The following CFAP299 variants were observed in gnomAD, a reference collection of about 807,000 sequenced individuals.
CFAP299 encodes the protein cilia- and flagella-associated protein 299.
Under a neutral mutation model 27.0 loss-of-function variants are expected in CFAP299, and 21 were observed. The observed-to-expected ratio is 0.78, with a 90% CI of 0.55 to 1.12. CFAP299 has a LOEUF of 1.12. Ranked by LOEUF, CFAP299 falls within the 50% of genes most tolerant of loss-of-function variation. The probability of loss-of-function intolerance (pLI) is 0.00; values close to 1 mark genes in which losing one functional copy is unlikely to be tolerated. For missense variants in CFAP299, 310 were observed against 276.6 expected (o/e 1.12, Z -0.86); for synonymous variants, 104 against 98.1 (o/e 1.06, Z -0.36).
chr4:80,561,066 C>G (rs1033378239), intron 2 of CFAP299, among the ~76,000 whole-genome samples: 1 of 152,106 alleles, frequency 6.6e-6, no homozygotes, highest in Non-Finnish European at 1.5e-5. Context: ...GTGGTGGTCA[C>G]AGGGGTGTTT....
At chr4:80,605,271 GT>G (rs1434097977) in intron 3 of CFAP299, among the ~76,000 whole-genome samples, 1 of 152,084 alleles carries the variant, frequency 6.6e-6, no homozygotes, top group Non-Finnish European at 1.5e-5. Flanking sequence ...ACAACATTTA[GT>G]TTTCAGCCAA....
intron 3 of CFAP299, among the ~76,000 whole-genome samples, chr4:80,857,901 TC>T (rs1228661199): frequency 6.6e-6 from 1 of 152,176 alleles, no homozygotes. Context: ...AGCTTTGGTA[TC>T]AGGATGATGC....
intron 2 of CFAP299, among the ~76,000 whole-genome samples, chr4:80,446,392 A>T (rs1362204889): frequency 1.3e-5 from 2 of 152,254 alleles, no homozygotes; most frequent in African/African-American, 4.8e-5. Context: ...CTGACAGTTG[A>T]GGACTATCTG....
intron 2 of CFAP299, among the ~76,000 whole-genome samples, chr4:80,483,543 T>A (rs1730671145): frequency 1.3e-5 from 2 of 152,170 alleles, no homozygotes; most frequent in African/African-American, 4.8e-5. Context: ...TAATGTGGGT[T>A]TAAAGCAAGA....
intron 4 of CFAP299, among the ~76,000 whole-genome samples, chr4:80,880,567 T>TA (rs1439962364): frequency 4.0e-5 from 6 of 150,282 alleles, no homozygotes; most frequent in East Asian, 2.0e-4. Context: ...CCATCTCTAC[T>TA]AAAAAAAAAT....
At chr4:80,748,205 A>G (rs1035620649) in intron 3 of CFAP299, among the ~76,000 whole-genome samples, 2 of 152,110 alleles carry the variant, frequency 1.3e-5, no homozygotes, top group Non-Finnish European at 2.9e-5. Context: ...GTAACACATG[A>G]CTATATTTGT....
chr4:80,340,295 C>T (rs1307192366), intron 1 of CFAP299, among the ~76,000 whole-genome samples: 1 of 152,172 alleles, frequency 6.6e-6, no homozygotes, highest in Non-Finnish European at 1.5e-5. Context: ...ATCGTTGCAA[C>T]CCACAGATCA....
intron 4 of CFAP299, among the ~76,000 whole-genome samples, chr4:80,908,303 A>G (rs1014460196): frequency 3.9e-5 from 6 of 152,216 alleles, no homozygotes; most frequent in African/African-American, 1.2e-4. Flanking sequence ...AGAGCTGTAA[A>G]AATAGCCACA....
intron 2 of CFAP299, chr4:80,386,542 G>T: frequency 6.3e-7 from 1 of 1,593,238 alleles, no homozygotes; most frequent in South Asian, 1.1e-5. Context: ...GGGTTTGCAG[G>T]TCCTTTTCCT....
chr4:80,519,843 C>T (rs960893325), intron 2 of CFAP299, among the ~76,000 whole-genome samples: 1 of 152,206 alleles, frequency 6.6e-6, no homozygotes, highest in African/African-American at 2.4e-5. Context: ...ATGTTGCATA[C>T]CACAAATAAC....
At chr4:80,514,618 A>G (rs1394077530) in intron 2 of CFAP299, among the ~76,000 whole-genome samples, 2 of 152,082 alleles carry the variant, frequency 1.3e-5, no homozygotes, top group Non-Finnish European at 2.9e-5. Context: ...GACATCAAAG[A>G]CCAAAACTTC....
At chr4:80,812,098 G>A (rs1222954484) in intron 3 of CFAP299, among the ~76,000 whole-genome samples, 2 of 152,088 alleles carry the variant, frequency 1.3e-5, no homozygotes, top group Admixed American at 6.6e-5. Flanking sequence ...TCATATATTA[G>A]TATTCATATA....
At chr4:80,917,801 C>T (rs966618053) in intron 4 of CFAP299, among the ~76,000 whole-genome samples, 2 of 152,122 alleles carry the variant, frequency 1.3e-5, no homozygotes, top group African/African-American at 4.8e-5. Context: ...CAGGATACAT[C>T]TCACAACTGT....
intron 3 of CFAP299, among the ~76,000 whole-genome samples, chr4:80,738,038 C>G (rs1468286904): frequency 6.6e-6 from 1 of 152,016 alleles, no homozygotes; most frequent in Non-Finnish European, 1.5e-5. Context: ...GTATAGTTTT[C>G]AAAATTCCAC....
At chr4:80,934,828 A>C (rs1034694635) in intron 4 of CFAP299, among the ~76,000 whole-genome samples, 4 of 151,820 alleles carry the variant, frequency 2.6e-5, no homozygotes, top group South Asian at 2.1e-4. Flanking sequence ...CTTTTCTAAC[A>C]GCCAGCTTTT....
chr4:80,915,796 G>A (rs1308806441), intron 4 of CFAP299, among the ~76,000 whole-genome samples: 1 of 151,572 alleles, frequency 6.6e-6, no homozygotes, highest in African/African-American at 2.4e-5. Flanking sequence ...TTTATTTCAG[G>A]TATTATATAT....
chr4:80,961,354 T>G, intron 5 of CFAP299, among the ~76,000 whole-genome samples: 1 of 151,840 alleles, frequency 6.6e-6, no homozygotes, highest in Non-Finnish European at 1.5e-5. Context: ...TACCAAAGAT[T>G]TACTGTGATT....
At chr4:80,551,654 A>G (rs1165640739) in intron 2 of CFAP299, among the ~76,000 whole-genome samples, 3 of 151,982 alleles carry the variant, frequency 2.0e-5, no homozygotes, top group African/African-American at 4.8e-5. Flanking sequence ...ATGGAAATAT[A>G]TTTGTATAAT....
At chr4:80,477,478 G>C (rs1560585171) in intron 2 of CFAP299, among the ~76,000 whole-genome samples, 1 of 151,966 alleles carries the variant, frequency 6.6e-6, no homozygotes, top group South Asian at 2.1e-4. Context: ...TTTCCATTTT[G>C]GCCACTCAGG....
Sources: gnomAD v4.1 joint callset for allele counts (sites outside exome capture counted in the v4.1 genomes callset) on GRCh38, gnomAD v4.1.1 for gene constraint, MANE v1.5 for transcripts, NCBI Gene and HGNC (gene_info 2026-07-23, HGNC 2026-07-21) for gene names.